Variants in SLC13A1 observed in about 807,000 individuals in gnomAD.
The protein encoded by SLC13A1 is Na(+)/sulfate cotransporter.
Under a neutral mutation model 70.0 loss-of-function variants are expected in SLC13A1, and 65 were observed. That is an observed-to-expected ratio of 0.93 (90% CI 0.76 to 1.14). The LOEUF is 1.14. SLC13A1 is among the 50% of genes most tolerant of loss of function. SLC13A1 has a pLI of 0.00. For missense variants in SLC13A1, 726 were observed against 717.8 expected, an observed-to-expected ratio of 1.01 and a Z score of -0.13; for synonymous variants, 275 against 250.5, an observed-to-expected ratio of 1.10 and a Z score of -0.92.
chr7:123,120,158 G>C (rs1472041724), intron 12 of SLC13A1, among the ~76,000 whole-genome samples: 1 of 151,758 alleles, frequency 6.6e-6, no homozygotes, highest in Non-Finnish European at 1.5e-5. Context: ...GTTGTTCTGG[G>C]ACCCCTTTTC....
intron 6 of SLC13A1, among the ~76,000 whole-genome samples, chr7:123,147,615 C>T (rs1363292516): frequency 6.6e-6 from 1 of 151,852 alleles, no homozygotes; most frequent in Non-Finnish European, 1.5e-5. Flanking sequence ...AGGAGAGAGC[C>T]CTCACCAGAC....
rs2116311304 is a variant in SLC13A1, at chr7:123,128,827, A to G, written c.1133+18T>C. On this transcript the variant is annotated intron_variant, in intron 10 of 14. Transcript: ENST00000194130. ...TATAAAACAGGAAGGGCTGACAAAC[A>G]TAACGTGCAAAGCTTACTCTGAAAA... 1.3e-6 allele frequency: 2 copies of G among 1,559,328 alleles called. No homozygotes were observed. Among genetic ancestry groups the G allele is most frequent in the Non-Finnish European group, 8.8e-7 (1 of 1,131,348 alleles).
intron 2 of SLC13A1, among the ~76,000 whole-genome samples, chr7:123,179,812 TAA>T (rs3034671): frequency 0.37 from 55,814 of 151,786 alleles, 10,412 homozygotes; most frequent in Admixed American, 0.4. Context: ...GTATAACTGT[TAA>T]AAACACACCT....
At chr7:123,198,274 A>G (rs1796244839) in intron 1 of SLC13A1, among the ~76,000 whole-genome samples, 2 of 146,436 alleles carry the variant, frequency 1.4e-5, no homozygotes, top group Admixed American at 6.8e-5. Flanking sequence ...AGAGATTCAT[A>G]TAGGAGACCT....
chr7:123,115,738 C>T (rs993362267), intron 14 of SLC13A1, 83 bp from the exon 15 acceptor site: 4 of 1,346,334 alleles, frequency 3.0e-6, no homozygotes, highest in African/African-American at 1.5e-5. Context: ...ATGTATATGC[C>T]AAATTTACAT....
intron 6 of SLC13A1, among the ~76,000 whole-genome samples, chr7:123,163,086 C>T (rs891563966): frequency 2.6e-5 from 4 of 152,010 alleles, no homozygotes; most frequent in Non-Finnish European, 5.9e-5. Context: ...AGGGAAAGAA[C>T]TAGCAACTTT....
chr7:123,159,479 A>G (rs1794814739), intron 6 of SLC13A1, among the ~76,000 whole-genome samples: 2 of 152,216 alleles, frequency 1.3e-5, no homozygotes, highest in Admixed American at 1.3e-4. Flanking sequence ...GTCTCACTAG[A>G]AACCGACCCA....
rs529172795 is a variant in SLC13A1, at chr7:123,138,060, C to A, written c.813-3531G>T. Among the ~76,000 whole-genome samples the A allele has an allele frequency of 9.3e-4, 141 of 152,264 alleles. 2 individuals are homozygous for A. Among genetic ancestry groups the A allele is most frequent in the African/African-American group, 3.3e-3 (138 of 41,558 alleles). On this transcript the variant is annotated intron_variant, in intron 7 of 14. Transcript: ENST00000194130. ...CCCATTAACCATCCCCACCTTTCAG[C>A]CCACACCCTATTATCCTTCCCAGTC...
chr7:123,143,101 CCT>C (rs1255520117), intron 7 of SLC13A1, among the ~76,000 whole-genome samples: 1 of 152,090 alleles, frequency 6.6e-6, no homozygotes, highest in Non-Finnish European at 1.5e-5. Flanking sequence ...AAGACAAAGT[CCT>C]CTCCACTCTT....
chr7:123,126,638 G>GT (rs1191829279), intron 10 of SLC13A1, among the ~76,000 whole-genome samples: 2 of 152,122 alleles, frequency 1.3e-5, no homozygotes, highest in Admixed American at 6.6e-5. Flanking sequence ...AAGAAATGCC[G>GT]TATCTTTCTC....
chr7:123,153,073 TAAAG>T (rs1176912807), intron 6 of SLC13A1, among the ~76,000 whole-genome samples: 2 of 151,878 alleles, frequency 1.3e-5, no homozygotes, highest in Non-Finnish European at 2.9e-5. Context: ...AAAATATAAA[TAAAG>T]AAAAAATTGG....
At position 123,138,779 on chromosome 7, in the gene SLC13A1, A is replaced by G. The variant is rs116573267; in HGVS notation, c.813-4250T>C. Among the ~76,000 whole-genome samples, 541 of 152,262 alleles carry G rather than the reference A, an allele frequency of 3.6e-3. 2 individuals are homozygous for G. The highest frequency in any genetic ancestry group is 0.012 in the African/African-American group (513 of 41,570). The stretch of plus-strand genomic sequence containing the variant: ...ATTGTATTATTAGATTTTTCCATAT[A>G]GAGTTGTTTAAGCTCCTTATATATT... On this transcript the variant is annotated intron_variant, in intron 7 of 14. Transcript: ENST00000194130.
intron 2 of SLC13A1, among the ~76,000 whole-genome samples, chr7:123,177,436 G>T (rs1366044458): frequency 6.6e-6 from 1 of 151,876 alleles, no homozygotes; most frequent in Non-Finnish European, 1.5e-5. Context: ...TCAAAGTTAG[G>T]TTGATCATTT....
intron 11 of SLC13A1, among the ~76,000 whole-genome samples, chr7:123,124,493 G>A (rs1174734159): frequency 6.6e-6 from 1 of 152,156 alleles, no homozygotes; most frequent in East Asian, 1.9e-4. Flanking sequence ...AGAGTCAAGT[G>A]GGCCAACACA....
In SLC13A1 at chr7:123,189,930, T is replaced by TA. The variant is rs201753525; in HGVS notation, c.100-8830dup. Among the ~76,000 whole-genome samples the TA allele has an allele frequency of 8.7e-3, 1,331 of 152,222 alleles. 20 individuals are homozygous for TA. Among genetic ancestry groups the TA allele is most frequent in the African/African-American group, 0.03 (1,233 of 41,558 alleles). On this transcript the variant is annotated intron_variant, in intron 1 of 14. Coordinates refer to ENST00000194130, the MANE Select transcript of SLC13A1 (RefSeq NM_022444.4). Reference sequence around the variant, plus strand: ...AATGCATTTGAGAGCTCATCTTTTTTAAAAAAATTCTGGAGAATTCAGTAA... The same window carrying TA: ...AATGCATTTGAGAGCTCATCTTTTTTAAAAAAAATTCTGGAGAATTCAGTAA...
At chr7:123,141,700 T>C (rs1451913269) in intron 7 of SLC13A1, among the ~76,000 whole-genome samples, 2 of 152,198 alleles carry the variant, frequency 1.3e-5, no homozygotes, top group Admixed American at 6.5e-5. Flanking sequence ...TCTCTTCTTA[T>C]ACTTTTTGTC....
intron 12 of SLC13A1, among the ~76,000 whole-genome samples, chr7:123,121,683 A>G (rs1434617349): frequency 6.6e-6 from 1 of 152,156 alleles, no homozygotes; most frequent in Middle Eastern, 3.2e-3. Context: ...GAGAGAAATC[A>G]TGTTAAAACA....
intron 2 of SLC13A1, among the ~76,000 whole-genome samples, chr7:123,173,859 A>T (rs1263117841): frequency 6.6e-6 from 1 of 151,402 alleles, no homozygotes; most frequent in African/African-American, 2.4e-5. Flanking sequence ...TTATATCCCA[A>T]TTTTCTACAC....
At chr7:123,149,112 A>G (rs1794465709) in intron 6 of SLC13A1, among the ~76,000 whole-genome samples, 1 of 152,106 alleles carries the variant, frequency 6.6e-6, no homozygotes, top group Non-Finnish European at 1.5e-5. Flanking sequence ...TGACACACTC[A>G]TGGTGTCTGC....
Sources: gnomAD v4.1 joint callset for allele counts (sites outside exome capture counted in the v4.1 genomes callset) on GRCh38, gnomAD v4.1.1 for gene constraint, MANE v1.5 for transcripts, NCBI Gene and HGNC (gene_info 2026-07-23, HGNC 2026-07-21) for gene names.